The following BEX3 variants were observed in gnomAD, a reference collection of about 807,000 sequenced individuals.
The protein encoded by BEX3 is brain expressed X-linked 3.
In BEX3, 1 loss-of-function variant was observed where a neutral mutation model predicts 6.1. The ratio of observed to expected loss-of-function variants is 0.16; its 90% confidence interval spans 0.06 to 0.78. The LOEUF (loss-of-function observed/expected upper bound fraction) is 0.78. Among genes scored for constraint, BEX3 ranks in the 30% least tolerant of loss-of-function variants. The pLI, the probability that BEX3 is intolerant of heterozygous loss-of-function variation, is 0.75. For missense variants in BEX3, 49 were observed against 84.7 expected, an observed-to-expected ratio of 0.58 and a Z score of 1.65; for synonymous variants, 33 against 25.2, an observed-to-expected ratio of 1.31 and a Z score of -0.93.
In BEX3 at chrX:103,377,865, C is replaced by T. The variant is rs745474408; in HGVS notation, c.*38C>T. ...ATCATGAGATTAATACTGTGATTCC[C>T]GCTGTTTTCTTTTTCCTTGCATTTT... On this transcript the variant is annotated 3_prime_UTR_variant, in exon 3 of 3. Transcript: ENST00000361298. 2.9e-6 allele frequency: 3 copies of T among 1,035,930 alleles called. No homozygotes were observed. Among genetic ancestry groups the T allele is most frequent in the Admixed American group, 5.2e-5 (2 of 38,405 alleles). The allele number at this position is 1,035,930 out of a possible 1,213,427, so 85.4% of individuals were successfully genotyped here.
Position 103,377,691 on chromosome X carries a change from T to G in BEX3, c.170T>G (p.Met57Arg). The G allele has an allele frequency of 8.3e-7, 1 of 1,210,668 alleles. No homozygotes were observed. Among genetic ancestry groups the G allele is most frequent in the Non-Finnish European group, 1.1e-6 (1 of 894,753 alleles). ...NDGMGGDGDD[M>R]EIFMEEMREI... is the part of the protein sequence containing the mutation. ...GGGATGGGTGGAGATGGAGATGATA[T>G]GGAAATATTCATGGAGGAGATGAGA... The change falls in exon 3 of 3, where the codon ATG becomes AGG. Residue 57 changes from methionine to arginine, a missense_variant. Transcript: ENST00000361298.
At chrX:103,376,645 A>G in intron 1 of BEX3, 32 bp downstream of exon 1, 1 of 707,110 alleles carries the variant, frequency 1.4e-6, no homozygotes, top group Non-Finnish European at 1.7e-6. Flanking sequence ...AGCCCCGGCC[A>G]TGCCAGCAGC....
intron 2 of BEX3, 162 bp from the exon 3 acceptor site, chrX:103,377,348 A>G (rs1927263480): frequency 2.9e-6 from 2 of 683,239 alleles, no homozygotes; most frequent in African/African-American, 4.4e-5. Context: ...CGGAACTTCT[A>G]AGGTGGGAAA....
chrX:103,376,530 C>T (rs754589570), upstream of BEX3: 1 of 750,724 alleles, frequency 1.3e-6, no homozygotes, highest in Non-Finnish European at 1.6e-6. Context: ...GCCTTCGGTG[C>T]AGTCGTCACT....
At position 103,378,044 on chromosome X, in the gene BEX3, T is replaced by G; in HGVS notation, c.*217T>G. On this transcript the variant is annotated 3_prime_UTR_variant, in exon 3 of 3. Transcript: ENST00000361298. ...GTTTCACCCATTTGCATGGAAAAAT[T>G]TAAAGCTAATAAAGCAATTTAAAAA... 1 of 366,265 alleles carries G rather than the reference T, an allele frequency of 2.7e-6. No homozygotes were observed. Among genetic ancestry groups the G allele is most frequent in the African/African-American group, 2.6e-5 (1 of 39,077 alleles). 30.2% of individuals were successfully genotyped at this position (366,265 alleles called of 1,213,427 possible).
intron 1 of BEX3, 110 bp downstream of exon 1, chrX:103,376,723 A>C: frequency 3.7e-6 from 1 of 269,129 alleles, no homozygotes; most frequent in Non-Finnish European, 5.1e-6. Flanking sequence ...TCCACACCCC[A>C]ACATGCTTGG....
chrX:103,377,380 T>C, intron 2 of BEX3, 130 bp from the exon 3 acceptor site: 1 of 878,071 alleles, frequency 1.1e-6, no homozygotes, highest in Non-Finnish European at 1.6e-6. Context: ...AAAAATCCTT[T>C]GATATCAGGG....
At position 103,377,020 on chromosome X, in the gene BEX3, G is replaced by T; in HGVS notation, c.-91-8G>T. On this transcript the variant is annotated splice_polypyrimidine_tract_variant and splice_region_variant and intron_variant, in intron 1 of 2. Transcript: ENST00000361298. ...CCCCCCACAACCCCCACCCCGGCTC[G>T]ACTGCAGGTCTGCGAGGCTAAGTGT... The T allele has an allele frequency of 8.0e-6, 1 of 124,342 alleles. No homozygotes were observed. Among genetic ancestry groups the T allele is most frequent in the South Asian group, 4.1e-4 (1 of 2,456 alleles). 10.2% of individuals were successfully genotyped at this position (124,342 alleles called of 1,213,427 possible).
At position 103,377,936 on chromosome X, in the gene BEX3, T is replaced by A; in HGVS notation, c.*109T>A. The A allele has an allele frequency of 1.7e-6, 1 of 600,770 alleles. No homozygotes were observed. Among genetic ancestry groups the A allele is most frequent in the Non-Finnish European group, 2.6e-6 (1 of 385,218 alleles). 49.5% of individuals were successfully genotyped at this position (600,770 alleles called of 1,213,427 possible). ...CCGTTTGCTGTGAACCCTATGTTAT[T>A]TCCATGTGTCAAGTGGGTCTTGTGT... On this transcript the variant is annotated 3_prime_UTR_variant, in exon 3 of 3. Coordinates refer to ENST00000361298, the MANE Select transcript of BEX3 (RefSeq NM_206917.3).
chrX:103,377,015 G>T lies in BEX3; in HGVS notation c.-91-13G>T. 1.5e-5 allele frequency: 1 copy of T among 64,853 alleles called. No homozygotes were observed. The highest frequency in any genetic ancestry group is 8.0e-4 in the South Asian group (1 of 1,243). 5.3% of individuals were successfully genotyped at this position (64,853 alleles called of 1,213,427 possible). On this transcript the variant is annotated splice_polypyrimidine_tract_variant and intron_variant, in intron 1 of 2. Transcript: ENST00000361298. ...CCCCACCCCCCACAACCCCCACCCC[G>T]GCTCGACTGCAGGTCTGCGAGGCTA... is the stretch of plus-strand genomic sequence containing the variant.
Position 103,377,449 on chromosome X carries a change from A to G in BEX3, c.-12-61A>G, listed in dbSNP as rs887812131. ...CAGTCTCTCTCCTTGCCTTTGTCTT[A>G]CTTGTGTTCAAAGAAAAACAACCAG... On this transcript the variant is annotated intron_variant, in intron 2 of 2. Transcript: ENST00000361298. 1.3e-5 allele frequency: 15 copies of G among 1,160,141 alleles called. No individual in the cohort carries two copies. In the Admixed American group the frequency reaches 1.8e-4, roughly 14 times the overall value.
intron 2 of BEX3, 92 bp downstream of exon 2, chrX:103,377,198 T>G: frequency 4.3e-6 from 1 of 231,074 alleles, no homozygotes; most frequent in Non-Finnish European, 7.6e-6. Context: ...CCCCCACTCC[T>G]ATACCGGTCC....
In BEX3 at chrX:103,377,081, G is replaced by A. The variant is rs1434767721; in HGVS notation, c.-38G>A. ...CACCTCGCGGCGAGAATCCGGAGGA[G>A]AAGGAGACTGCAAGGATAGGCCCAG... On this transcript the variant is annotated 5_prime_UTR_variant, in exon 2 of 3. Coordinates refer to ENST00000361298, the MANE Select transcript of BEX3 (RefSeq NM_206917.3). 4 of 311,091 alleles carry A rather than the reference G, an allele frequency of 1.3e-5. No homozygotes were observed. The highest frequency in any genetic ancestry group is 2.7e-4 in the South Asian group (2 of 7,511). 25.6% of individuals were successfully genotyped at this position (311,091 alleles called of 1,213,427 possible). A position where few individuals can be genotyped will look rare whatever the true frequency, so the allele number is the denominator to read the frequency against.
Position 103,378,003 on chromosome X carries a change from G to A in BEX3, c.*176G>A, listed in dbSNP as rs1602997402. ...AAGATTGCCTTTGCACTCAGTGTAA[G>A]TTTCTGTCAGCAGTAGTTTCACCCA... On this transcript the variant is annotated 3_prime_UTR_variant, in exon 3 of 3. Transcript: ENST00000361298. 6 of 391,698 alleles carry A rather than the reference G, an allele frequency of 1.5e-5. No homozygotes were observed. The South Asian group carries it at 3.2e-4, about 21-fold the overall frequency. The allele number at this position is 391,698 out of a possible 1,213,427, so 32.3% of individuals were successfully genotyped here.
intron 2 of BEX3, chrX:103,377,309 C>T (rs372284772): frequency 6.2e-6 from 1 of 160,648 alleles, no homozygotes; most frequent in African/African-American, 3.1e-5. Context: ...GAGGGAGGGG[C>T]TTTAATTGGA....
rs1458720747 is a variant in BEX3, at chrX:103,377,668, G to A, written c.147G>A (p.Gly49=). The A allele has an allele frequency of 4.1e-6, 5 of 1,208,905 alleles. No individual in the cohort carries two copies. In the African/African-American group the frequency reaches 7.0e-5, roughly 17 times the overall value. ...WAIPNRQIND[G]MGGDGDDMEI... is the part of the protein sequence containing the mutation. ...TACCCAATAGGCAGATCAATGATGG[G>A]ATGGGTGGAGATGGAGATGATATGG... The change falls in exon 3 of 3, where the codon GGG becomes GGA. Residue 49 remains glycine (G), a synonymous_variant. Coordinates refer to ENST00000361298, the MANE Select transcript of BEX3 (RefSeq NM_206917.3).
chrX:103,377,175 C>A (rs1927256287), intron 2 of BEX3, 69 bp downstream of exon 2: 2 of 257,229 alleles, frequency 7.8e-6, no homozygotes, highest in African/African-American at 2.9e-5. Context: ...GACCCCAACC[C>A]CCTCCACCCC....
At position 103,377,803 on chromosome X, in the gene BEX3, T is replaced by C. The variant is rs1927283602; in HGVS notation, c.282T>C (p.His94=). ...MGELSNHHDH[H]DEFCLMP is the part of the protein sequence containing the mutation. ...AGCTCTCTAATCACCATGACCATCATGATGAATTTTGCCTTATGCCTTGAC... is the reference window on the plus strand; with the variant it reads ...AGCTCTCTAATCACCATGACCATCACGATGAATTTTGCCTTATGCCTTGAC... The change falls in exon 3 of 3, where the codon CAT becomes CAC. Residue 94 remains histidine (H), a synonymous_variant. Coordinates refer to ENST00000361298, the MANE Select transcript of BEX3 (RefSeq NM_206917.3). 5.8e-6 allele frequency: 7 copies of C among 1,201,312 alleles called. No individual in the cohort carries two copies. The highest frequency in any genetic ancestry group is 3.6e-5 in the South Asian group (2 of 55,083).
intron 2 of BEX3, 62 bp from the exon 3 acceptor site, chrX:103,377,448 T>TA (rs750931756): frequency 8.6e-7 from 1 of 1,163,116 alleles, no homozygotes; most frequent in Non-Finnish European, 1.1e-6. Flanking sequence ...GCCTTTGTCT[T>TA]ACTTGTGTTC....
Sources: gnomAD v4.1 joint callset for allele counts on GRCh38, gnomAD v4.1.1 for gene constraint, MANE v1.5 for transcripts, NCBI Gene and HGNC (gene_info 2026-07-23, HGNC 2026-07-21) for gene names.